The following LGR4 variants were observed in gnomAD, a reference collection of about 807,000 sequenced individuals.
LGR4 encodes the protein leucine rich repeat containing G protein-coupled receptor 4.
In LGR4, 44 loss-of-function variants were observed where a neutral mutation model predicts 84.8. The ratio of observed to expected loss-of-function variants is 0.52; its 90% CI spans 0.41 to 0.67. The LOEUF is 0.67. LGR4 is among the 30% of genes least tolerant of loss of function. The pLI, the probability that LGR4 is intolerant of heterozygous loss-of-function variation, is 0.00. For synonymous variants in LGR4, 429 were observed against 434.3 expected (o/e 0.99, Z 0.15); for missense variants, 1,032 against 1,131.4 (o/e 0.91, Z 1.26).
At chr11:27,376,399 C>CGAAGACA (rs1425610065) in intron 12 of LGR4, 29 bp from the exon 13 acceptor site, 14 of 1,202,282 alleles carry the variant, frequency 1.2e-5, no homozygotes, top group Non-Finnish European at 1.6e-5. Context: ...AGAAAGAAGA[C>CGAAGACA]GAAGACAAAG....
At chr11:27,409,427 T>C (rs1863669217) in intron 2 of LGR4, among the ~76,000 whole-genome samples, 1 of 152,120 alleles carries the variant, frequency 6.6e-6, no homozygotes, top group Non-Finnish European at 1.5e-5. Context: ...CTTCTGTTCA[T>C]TGTAAAGCTC....
At chr11:27,388,452 T>C (rs563271640) in intron 4 of LGR4, among the ~76,000 whole-genome samples, 2 of 152,330 alleles carry the variant, frequency 1.3e-5, no homozygotes, top group African/African-American at 4.8e-5. Flanking sequence ...GGTATTTTTC[T>C]ATTTAAACTC....
rs575392467 is a variant in LGR4, at chr11:27,366,182, G to A, written c.*1685C>T. On this transcript the variant is annotated 3_prime_UTR_variant, in exon 18 of 18. Transcript: ENST00000379214. ...ATCAGATGTGTAAATATACATGATA[G>A]CAATTTTTAAAACTTGTAAATAGTT... 2 of 152,570 alleles carry A rather than the reference G, an allele frequency of 1.3e-5. No homozygotes were observed. Among genetic ancestry groups the A allele is most frequent in the Admixed American group, 1.3e-4 (2 of 15,288 alleles). 9.5% of individuals were successfully genotyped at this position (152,570 alleles called of 1,614,324 possible).
At chr11:27,426,135 C>T (rs943050191) in intron 1 of LGR4, among the ~76,000 whole-genome samples, 5 of 152,226 alleles carry the variant, frequency 3.3e-5, no homozygotes, top group African/African-American at 7.2e-5. Flanking sequence ...TGGTTGCAGG[C>T]GGAAAGAAAG....
In LGR4 at chr11:27,472,120, C is replaced by T. The variant is rs560835892; in HGVS notation, c.183G>A (p.Ala61=). ...GCGTCCCCGCCGCCCGCACTCACAGCGCTTGGGTGAAGGCGCTGAGCCCCT... is the reference window on the plus strand; with the variant it reads ...GCGTCCCCGCCGCCCGCACTCACAGTGCTTGGGTGAAGGCGCTGAGCCCCT... The part of the protein sequence containing the change: ...VPEGLSAFTQ[A]LDISMNNITQ... Residue 61 remains alanine, a splice_region_variant and synonymous_variant, in exon 1 of 18, where the codon GCG becomes GCA. Transcript: ENST00000379214. The T allele has an allele frequency of 1.2e-4, 156 of 1,320,744 alleles. 1 individual carries two copies. The African/African-American group carries it at 2.1e-3, about 18-fold the overall frequency. The allele number at this position is 1,320,744 out of a possible 1,614,324, so 81.8% of individuals were successfully genotyped here. A position where few individuals can be genotyped will look rare whatever the true frequency, so the allele number is the denominator to read the frequency against.
intron 1 of LGR4, among the ~76,000 whole-genome samples, chr11:27,447,932 A>G (rs966481303): frequency 4.6e-5 from 7 of 152,218 alleles, no homozygotes; most frequent in Non-Finnish European, 8.8e-5. Context: ...TATGCATGTT[A>G]TATTTAATAT....
At chr11:27,417,661 A>G (rs559057909) in intron 1 of LGR4, among the ~76,000 whole-genome samples, 1 of 152,294 alleles carries the variant, frequency 6.6e-6, no homozygotes, top group Admixed American at 6.5e-5. Context: ...GTTGTTTTTA[A>G]AAAATTGAAA....
intron 1 of LGR4, among the ~76,000 whole-genome samples, chr11:27,463,494 C>T (rs1864721788): frequency 1.3e-5 from 2 of 151,972 alleles, no homozygotes; most frequent in African/African-American, 4.8e-5. Context: ...ATATTTAAAA[C>T]ATGACACTTG....
At chr11:27,399,911 A>T (rs1863466411) in intron 2 of LGR4, among the ~76,000 whole-genome samples, 1 of 152,174 alleles carries the variant, frequency 6.6e-6, no homozygotes, top group African/African-American at 2.4e-5. Context: ...GTTCAGAACT[A>T]TGTTGGCTCC....
chr11:27,377,888 G>A (rs1158774564), intron 11 of LGR4, among the ~76,000 whole-genome samples: 1 of 152,020 alleles, frequency 6.6e-6, no homozygotes, highest in Non-Finnish European at 1.5e-5. Context: ...TCCCATAAGA[G>A]TATAATACCA....
In LGR4 at chr11:27,433,995, C is replaced by T. The variant is rs141220894; in HGVS notation, c.186-21135G>A. Among the ~76,000 whole-genome samples, 28 of 152,308 alleles carry T rather than the reference C, an allele frequency of 1.8e-4. No individual in the cohort carries two copies. The East Asian group carries it at 5.4e-3, about 29-fold the overall frequency. Reference sequence around the variant, plus strand: ...TTGTTCTTAGAAAGGCTCTCAGGTTCCTCACAGTCAAATGGGAAAATATCT... The same window carrying T: ...TTGTTCTTAGAAAGGCTCTCAGGTTTCTCACAGTCAAATGGGAAAATATCT... On this transcript the variant is annotated intron_variant, in intron 1 of 17. Transcript: ENST00000379214.
At chr11:27,405,742 AAC>A (rs752949456) in intron 2 of LGR4, among the ~76,000 whole-genome samples, 4 of 152,024 alleles carry the variant, frequency 2.6e-5, no homozygotes, top group Admixed American at 6.6e-5. Context: ...CTATTTCCAT[AAC>A]ATCTTTTGAA....
chr11:27,450,842 C>T (rs1864470732), intron 1 of LGR4, among the ~76,000 whole-genome samples: 1 of 152,122 alleles, frequency 6.6e-6, no homozygotes, highest in African/African-American at 2.4e-5. Flanking sequence ...CTTTGGGATG[C>T]TAGATGCAAT....
chr11:27,462,928 T>C (rs185694116), intron 1 of LGR4, among the ~76,000 whole-genome samples: 1 of 151,802 alleles, frequency 6.6e-6, no homozygotes, highest in East Asian at 1.9e-4. Flanking sequence ...TTCATAAAAA[T>C]ATGCCTACAA....
intron 2 of LGR4, among the ~76,000 whole-genome samples, chr11:27,402,328 C>T (rs1361429289): frequency 6.6e-6 from 1 of 152,118 alleles, no homozygotes; most frequent in Non-Finnish European, 1.5e-5. Flanking sequence ...ACCCTTTTCT[C>T]CTTCTAGGTG....
chr11:27,406,121 G>A (rs1422692230), intron 2 of LGR4, among the ~76,000 whole-genome samples: 1 of 152,052 alleles, frequency 6.6e-6, no homozygotes, highest in South Asian at 2.1e-4. Flanking sequence ...TCCTCTGCAG[G>A]TCTTTGTACA....
intron 1 of LGR4, among the ~76,000 whole-genome samples, chr11:27,452,716 C>T (rs1332656938): frequency 6.7e-6 from 1 of 149,944 alleles, no homozygotes; most frequent in African/African-American, 2.5e-5. Flanking sequence ...CTCCGCCTCC[C>T]GGGTTCACAC....
At chr11:27,374,104 C>A in intron 13 of LGR4, 58 bp from the exon 14 acceptor site, 1 of 1,070,998 alleles carries the variant, frequency 9.3e-7, no homozygotes. Context: ...ATGCCACTTA[C>A]TTAGACTATA....
chr11:27,378,626 A>T, intron 11 of LGR4, 71 bp downstream of exon 11: 1 of 1,082,700 alleles, frequency 9.2e-7, no homozygotes, highest in Non-Finnish European at 1.4e-6. Context: ...GTAGATCCTT[A>T]AAATAAAATT....
Sources: allele counts gnomAD v4.1 joint callset (sites outside exome capture counted in the v4.1 genomes callset), GRCh38; gene constraint gnomAD v4.1.1; transcripts MANE v1.5; gene names NCBI Gene and HGNC (gene_info 2026-07-23, HGNC 2026-07-21).